The following ABTB3 variants were observed in gnomAD, a reference collection of about 807,000 sequenced individuals.
ABTB3 encodes the protein ankyrin repeat- and BTB/POZ domain-containing protein 3.
At chr12:107,335,582 A>G in the ABTB3 span, among the ~76,000 whole-genome samples, 1 of 152,088 alleles carries the variant, frequency 6.6e-6, no homozygotes, top group African/African-American at 2.4e-5. Flanking sequence ...ATATACTGGG[A>G]TTTTGAATAA....
chr12:107,416,105 C>T, the ABTB3 span, among the ~76,000 whole-genome samples: 1 of 152,190 alleles, frequency 6.6e-6, no homozygotes, highest in African/African-American at 2.4e-5. Flanking sequence ...GGTCAGGAAC[C>T]GCAGAAGGTG....
At chr12:107,598,391 T>C in the ABTB3 span, among the ~76,000 whole-genome samples, 1 of 152,226 alleles carries the variant, frequency 6.6e-6, no homozygotes, top group African/African-American at 2.4e-5. Flanking sequence ...CTACTTACGT[T>C]TTGTTGGTGA....
chr12:107,408,385 A>G, the ABTB3 span, among the ~76,000 whole-genome samples: 1 of 152,224 alleles, frequency 6.6e-6, no homozygotes, highest in Admixed American at 6.5e-5. Flanking sequence ...TGCAAATTTA[A>G]AGATTGTCAG....
At chr12:107,496,573 C>A in the ABTB3 span, among the ~76,000 whole-genome samples, 1 of 152,248 alleles carries the variant, frequency 6.6e-6, no homozygotes, top group African/African-American at 2.4e-5. Context: ...AAGCCAGGAG[C>A]CTGAAGTGAC....
At chr12:107,610,334 G>A in the ABTB3 span, 1 of 1,614,118 alleles carries the variant, frequency 6.2e-7, no homozygotes, top group Non-Finnish European at 8.5e-7. Context: ...GGCCCGATGG[G>A]ATCAACACCA....
At chr12:107,323,007 A>G in the ABTB3 span, among the ~76,000 whole-genome samples, 1 of 152,204 alleles carries the variant, frequency 6.6e-6, no homozygotes, top group East Asian at 1.9e-4. Context: ...AGCCTAAGAG[A>G]GGCCCTAGTA....
the ABTB3 span, among the ~76,000 whole-genome samples, chr12:107,347,293 G>GATATAA: frequency 3.9e-5 from 6 of 152,112 alleles, no homozygotes; most frequent in Admixed American, 2.6e-4. Flanking sequence ...CTTTATATGA[G>GATATAA]ATATAAATAT....
the ABTB3 span, among the ~76,000 whole-genome samples, chr12:107,558,489 A>G: frequency 3.9e-5 from 6 of 152,142 alleles, no homozygotes; most frequent in African/African-American, 1.4e-4. Context: ...CGGGGAGAAG[A>G]TTTTTGTCTG....
chr12:107,483,788 G>A, the ABTB3 span, among the ~76,000 whole-genome samples: 3 of 152,152 alleles, frequency 2.0e-5, no homozygotes, highest in African/African-American at 7.2e-5. Flanking sequence ...CTGGGTTCAA[G>A]CAGTCCTTCC....
At chr12:107,452,202 AT>A in the ABTB3 span, among the ~76,000 whole-genome samples, 11,565 of 109,974 alleles carry the variant, frequency 0.11, 292 homozygotes, top group East Asian at 0.27. Flanking sequence ...GCCCATATGA[AT>A]TTTTTTTTTT....
the ABTB3 span, among the ~76,000 whole-genome samples, chr12:107,511,332 C>G: frequency 1.3e-5 from 2 of 152,236 alleles, no homozygotes; most frequent in African/African-American, 4.8e-5. Flanking sequence ...CAAACTACCT[C>G]CAAATTCAGC....
At chr12:107,619,886 C>A in the ABTB3 span, 1 of 1,168,024 alleles carries the variant, frequency 8.6e-7, no homozygotes. Flanking sequence ...GAAAAGCCAA[C>A]TTCCAGATAA....
chr12:107,623,990 A>T, the ABTB3 span, among the ~76,000 whole-genome samples: 1 of 152,162 alleles, frequency 6.6e-6, no homozygotes, highest in Non-Finnish European at 1.5e-5. Context: ...AGCCATGCAG[A>T]GATCTAGGGC....
At chr12:107,379,070 A>G in the ABTB3 span, among the ~76,000 whole-genome samples, 8 of 152,220 alleles carry the variant, frequency 5.3e-5, no homozygotes, top group African/African-American at 1.4e-4. Flanking sequence ...GAATGACCTT[A>G]GGCAATTTAC....
At chr12:107,394,551 T>C in the ABTB3 span, among the ~76,000 whole-genome samples, 1 of 152,180 alleles carries the variant, frequency 6.6e-6, no homozygotes, top group Non-Finnish European at 1.5e-5. Flanking sequence ...ATGTGAGCTG[T>C]TTTTACAGCC....
chr12:107,397,831 T>A, the ABTB3 span, among the ~76,000 whole-genome samples: 4 of 152,156 alleles, frequency 2.6e-5, no homozygotes, highest in Non-Finnish European at 4.4e-5. Context: ...CTAAGGAAAG[T>A]CATTGGTCCC....
chr12:107,605,125 A>C, the ABTB3 span, among the ~76,000 whole-genome samples: 2 of 152,224 alleles, frequency 1.3e-5, no homozygotes, highest in Non-Finnish European at 2.9e-5. Context: ...CATGTGGTGC[A>C]CCATAAATAC....
the ABTB3 span, among the ~76,000 whole-genome samples, chr12:107,499,784 C>T: frequency 6.6e-6 from 1 of 151,780 alleles, no homozygotes; most frequent in African/African-American, 2.4e-5. Flanking sequence ...CTCCCAGGTT[C>T]AAGCGATTCT....
the ABTB3 span, among the ~76,000 whole-genome samples, chr12:107,454,445 G>A: frequency 6.6e-6 from 1 of 152,200 alleles, no homozygotes; most frequent in Non-Finnish European, 1.5e-5. Flanking sequence ...GGTTAGGGGG[G>A]TTCATCCAGG....
Sources: gnomAD v4.1 joint callset for allele counts (sites outside exome capture counted in the v4.1 genomes callset) on GRCh38, gnomAD v4.1.1 for gene constraint, MANE v1.5 for transcripts, NCBI Gene and HGNC (gene_info 2026-07-23, HGNC 2026-07-21) for gene names.